The following RBFOX2 variants were observed in gnomAD, a reference collection of about 807,000 sequenced individuals.
The protein encoded by RBFOX2 is RNA binding fox-1 homolog 2.
A neutral mutation model predicts 49.1 loss-of-function variants in RBFOX2; 10 were observed. The ratio of observed to expected loss-of-function variants is 0.20; its 90% confidence interval spans 0.13 to 0.35. RBFOX2 has a LOEUF of 0.35. Ranked by LOEUF, RBFOX2 falls within the 10% of genes least tolerant of loss-of-function variation. The pLI is 1.00. For synonymous variants in RBFOX2, 183 were observed against 187.4 expected (o/e 0.98, Z 0.19); for missense variants, 323 against 486.9 (o/e 0.66, Z 3.17).
chr22:35,834,381 T>C (rs747917353), intron 1 of RBFOX2, among the ~76,000 whole-genome samples: 20 of 152,228 alleles, frequency 1.3e-4, no homozygotes, highest in Admixed American at 3.3e-4. Context: ...ATTATGACTA[T>C]GTGCCAGGCA....
At chr22:35,830,703 G>T (rs1956629271) in intron 1 of RBFOX2, among the ~76,000 whole-genome samples, 1 of 152,136 alleles carries the variant, frequency 6.6e-6, no homozygotes, top group Non-Finnish European at 1.5e-5. Context: ...TAAAAATACA[G>T]TATTATAATC....
intron 1 of RBFOX2, among the ~76,000 whole-genome samples, chr22:35,868,618 G>A (rs1167513500): frequency 6.6e-6 from 1 of 152,114 alleles, no homozygotes; most frequent in East Asian, 1.9e-4. Flanking sequence ...AACTAGCCAG[G>A]TGTGGTGGCA....
intron 1 of RBFOX2, among the ~76,000 whole-genome samples, chr22:35,835,310 G>A (rs2051579): frequency 5.3e-5 from 8 of 152,034 alleles, no homozygotes; most frequent in Non-Finnish European, 1.5e-5. Flanking sequence ...GGTAAGGGGG[G>A]GCTGTATCAC....
rs35854576 is a variant in RBFOX2 at position 35,869,469 on chromosome 22, C to CAA, written c.-33-59467_-33-59466dup. ...CCACCACACCCAGCCAACGGCTGAC[C>CAA]AAAAAAAAAAAAAAAAAAAAAAAAA... On this transcript the variant is annotated intron_variant, in intron 1 of 13. Coordinates refer to the RBFOX2 transcript ENST00000359369. Among the ~76,000 whole-genome samples the CAA allele has an allele frequency of 9.3e-3, 283 of 30,568 alleles. 88 individuals are homozygous for CAA. The highest frequency in any genetic ancestry group is 0.028 in the South Asian group (14 of 494). The allele number at this position is 30,568 out of a possible 152,430, so 20.1% of individuals were successfully genotyped here.
chr22:35,749,022 G>T lies in RBFOX2; in HGVS notation c.888-2461C>A, dbSNP rs993538868. On this transcript the variant is annotated intron_variant, in intron 9 of 11. Transcript: ENST00000405409. The surrounding 1 kb of genome is among the most constrained non-coding windows in gnomAD (Gnocchi z 4.1). ...TCCCCTCATTTTCCTAGGCCTACAG[G>T]AAGCCATAGGAACCTTGGTGGTTTA... Among the ~76,000 whole-genome samples the T allele has an allele frequency of 2.6e-5, 4 of 152,196 alleles. No homozygotes were observed. The highest frequency in any genetic ancestry group is 9.7e-5 in the African/African-American group (4 of 41,450).
chr22:35,978,829 C>T (rs8140768), intron 1 of RBFOX2, among the ~76,000 whole-genome samples: 9,008 of 152,214 alleles, frequency 0.059, 946 homozygotes, highest in African/African-American at 0.21. Flanking sequence ...CAGGCAGACA[C>T]AGAAATAGAG....
intron 1 of RBFOX2, among the ~76,000 whole-genome samples, chr22:35,892,005 G>A (rs1428520738): frequency 6.6e-6 from 1 of 152,194 alleles, no homozygotes; most frequent in Non-Finnish European, 1.5e-5. Flanking sequence ...GTTCTCCCTA[G>A]ATGAATTCAA....
intron 1 of RBFOX2, among the ~76,000 whole-genome samples, chr22:35,930,934 A>G (rs1326518443): frequency 2.0e-5 from 3 of 152,354 alleles, no homozygotes; most frequent in South Asian, 2.1e-4. Flanking sequence ...ACAGCAGAAT[A>G]AGCATATTAC....
At chr22:35,770,774 G>A (rs749191521) in intron 4 of RBFOX2, among the ~76,000 whole-genome samples, 23 of 152,120 alleles carry the variant, frequency 1.5e-4, no homozygotes, top group Non-Finnish European at 2.9e-4. Context: ...TTCACAGTCA[G>A]CAAATGTCAA....
intron 1 of RBFOX2, among the ~76,000 whole-genome samples, chr22:35,838,452 A>C (rs1467502053): frequency 6.6e-6 from 1 of 152,052 alleles, no homozygotes; most frequent in Non-Finnish European, 1.5e-5. Context: ...GAGGGCGATG[A>C]AGTTCTAGAT....
intron 2 of RBFOX2, among the ~76,000 whole-genome samples, chr22:35,789,497 C>T (rs976884458): frequency 2.0e-5 from 3 of 151,950 alleles, no homozygotes; most frequent in Non-Finnish European, 4.4e-5. Flanking sequence ...GAGCTGAGAT[C>T]GCACCATTGC....
At chr22:35,882,548 A>C (rs1442370731) in intron 1 of RBFOX2, among the ~76,000 whole-genome samples, 1 of 152,236 alleles carries the variant, frequency 6.6e-6, no homozygotes, top group Non-Finnish European at 1.5e-5. Context: ...GAACAGCTTA[A>C]CTGTATGCTG....
intron 1 of RBFOX2, among the ~76,000 whole-genome samples, chr22:35,849,835 GA>G (rs1490134063): frequency 1.3e-5 from 2 of 152,130 alleles, no homozygotes; most frequent in East Asian, 3.9e-4. Flanking sequence ...ATACACAGAA[GA>G]GATGTTCAGA....
Position 35,759,192 on chromosome 22 carries a change from T to C in RBFOX2, c.887+696A>G, listed in dbSNP as rs1489393020. Among the ~76,000 whole-genome samples the C allele has an allele frequency of 6.6e-6, 1 of 152,148 alleles. No homozygotes were observed. The highest frequency in any genetic ancestry group is 2.4e-5 in the African/African-American group (1 of 41,442). ...GTAGCAAAGGATTTATTTGTTGCTA[T>C]GGAATCATTCCACTGCATGAGACAC... On this transcript the variant is annotated intron_variant, in intron 9 of 11. Coordinates refer to ENST00000405409, the Ensembl canonical transcript of RBFOX2. The surrounding 1 kb of genome is among the most constrained non-coding windows in gnomAD (Gnocchi z 4.6).
chr22:35,976,466 T>C (rs893013423), intron 1 of RBFOX2, among the ~76,000 whole-genome samples: 16 of 152,096 alleles, frequency 1.1e-4, no homozygotes, highest in African/African-American at 3.6e-4. Flanking sequence ...ATCCATCCTT[T>C]CACAAATATT....
chr22:35,781,563 T>C (rs1423657673), intron 3 of RBFOX2, 37 bp downstream of exon 4: 2 of 1,598,756 alleles, frequency 1.3e-6, no homozygotes, highest in African/African-American at 1.4e-5. Flanking sequence ...AAATCTACTT[T>C]AATTGTAAAA....
chr22:36,008,944 G>T (rs1415668640), intron 1 of RBFOX2, among the ~76,000 whole-genome samples: 2 of 152,064 alleles, frequency 1.3e-5, no homozygotes, highest in African/African-American at 4.8e-5. Context: ...AAGGAAAGAA[G>T]GAAGATTCCT....
intron 1 of RBFOX2, among the ~76,000 whole-genome samples, chr22:36,025,720 T>A (rs773239359): frequency 2.6e-5 from 4 of 152,264 alleles, no homozygotes; most frequent in African/African-American, 9.6e-5. Context: ...ACTGGACTTA[T>A]AACTTTTAGA....
intron 1 of RBFOX2, chr22:35,999,254 A>G (rs1369972065): frequency 6.6e-6 from 1 of 152,074 alleles, no homozygotes; most frequent in Non-Finnish European, 1.5e-5. Flanking sequence ...ATGGCAACGT[A>G]CAAAATGAAT....
Sources: allele counts gnomAD v4.1 joint callset (sites outside exome capture counted in the v4.1 genomes callset), GRCh38; gene constraint gnomAD v4.1.1; non-coding constraint Gnocchi (gnomAD v3.1); transcripts MANE v1.5; gene names NCBI Gene and HGNC (gene_info 2026-07-23, HGNC 2026-07-21).